Variants in ERC2 observed in about 807,000 individuals in gnomAD.
ERC2 encodes the protein ERC protein 2.
ERC2 carries 42 observed loss-of-function variants against 114.8 expected under a neutral mutation model. The observed-to-expected ratio is 0.37, with a 90% CI of 0.29 to 0.47. The LOEUF (loss-of-function observed/expected upper bound fraction) is 0.47, where lower values mean the gene tolerates loss of function less well. Among genes scored for constraint, ERC2 ranks in the 20% least tolerant of loss-of-function variants. ERC2 has a pLI of 0.99. For missense variants in ERC2, 939 were observed against 1,150.7 expected (o/e 0.82, Z 2.66); for synonymous variants, 454 against 425.5 (o/e 1.07, Z -0.82).
chr3:55,857,668 G>C (rs990622969), intron 14 of ERC2, among the ~76,000 whole-genome samples: 2 of 152,136 alleles, frequency 1.3e-5, no homozygotes, highest in African/African-American at 4.8e-5. Context: ...GTTCAGTAAA[G>C]GGTAAATGAT....
chr3:55,988,304 T>C (rs183845537), intron 11 of ERC2, among the ~76,000 whole-genome samples: 3 of 152,260 alleles, frequency 2.0e-5, no homozygotes, highest in East Asian at 1.9e-4. Context: ...ACCACCCACC[T>C]AGTAGCAAAC....
intron 15 of ERC2, among the ~76,000 whole-genome samples, chr3:55,709,249 C>T (rs541931911): frequency 1.3e-5 from 2 of 151,852 alleles, no homozygotes; most frequent in African/African-American, 4.8e-5. Flanking sequence ...CGAAAGAGGC[C>T]GTGAGAGTCT....
At chr3:56,127,136 A>G (rs182869795) in intron 6 of ERC2, among the ~76,000 whole-genome samples, 5 of 152,336 alleles carry the variant, frequency 3.3e-5, no homozygotes, top group Admixed American at 1.3e-4. Context: ...GATTACCACA[A>G]TGAAAAATAT....
intron 17 of ERC2, among the ~76,000 whole-genome samples, chr3:55,587,112 A>T (rs1172693871): frequency 1.3e-5 from 2 of 152,176 alleles, no homozygotes; most frequent in Non-Finnish European, 2.9e-5. Context: ...TGCATGTATC[A>T]TTATATAACT....
chr3:56,397,751 T>C (rs1020453091), intron 2 of ERC2, among the ~76,000 whole-genome samples: 8 of 151,870 alleles, frequency 5.3e-5, no homozygotes, highest in Non-Finnish European at 5.9e-5. Flanking sequence ...TCTGTGGAAA[T>C]AGATAGTACT....
intron 14 of ERC2, among the ~76,000 whole-genome samples, chr3:55,845,265 G>A (rs2061305508): frequency 6.6e-6 from 1 of 152,136 alleles, no homozygotes; most frequent in African/African-American, 2.4e-5. Flanking sequence ...AGCACTTTGG[G>A]AGGCCGAGGC....
At chr3:56,165,708 T>C (rs2082290416) in intron 4 of ERC2, among the ~76,000 whole-genome samples, 1 of 152,058 alleles carries the variant, frequency 6.6e-6, no homozygotes, top group African/African-American at 2.4e-5. Context: ...GTGTAAGTGA[T>C]ATTGTTTTCT....
At chr3:56,258,151 T>C (rs1018831602) in intron 3 of ERC2, among the ~76,000 whole-genome samples, 4 of 152,188 alleles carry the variant, frequency 2.6e-5, no homozygotes, top group African/African-American at 9.7e-5. Flanking sequence ...CAGCAGATCC[T>C]AGACTCTAGG....
intron 14 of ERC2, among the ~76,000 whole-genome samples, chr3:55,738,750 C>A (rs1265819449): frequency 2.0e-5 from 3 of 152,010 alleles, no homozygotes; most frequent in Non-Finnish European, 4.4e-5. Context: ...CATCATCAAC[C>A]AAAAAACAAT....
intron 14 of ERC2, among the ~76,000 whole-genome samples, chr3:55,852,247 T>C (rs528113958): frequency 1.3e-5 from 2 of 152,228 alleles, no homozygotes; most frequent in South Asian, 2.1e-4. Context: ...AAAAAACTGA[T>C]GTAGTAAAAT....
chr3:55,758,576 T>A (rs1157308838), intron 14 of ERC2, among the ~76,000 whole-genome samples: 1 of 152,212 alleles, frequency 6.6e-6, no homozygotes, highest in Non-Finnish European at 1.5e-5. Flanking sequence ...CTGTCCCCAT[T>A]TGACAACTTT....
chr3:55,725,993 T>A (rs765442050), intron 15 of ERC2, among the ~76,000 whole-genome samples: 16 of 152,254 alleles, frequency 1.1e-4, no homozygotes, highest in South Asian at 8.3e-4. Context: ...ACAGTAACAC[T>A]GAGCAGTTCA....
At chr3:55,713,651 T>A (rs1275950806) in intron 15 of ERC2, among the ~76,000 whole-genome samples, 1 of 152,198 alleles carries the variant, frequency 6.6e-6, no homozygotes, top group East Asian at 1.9e-4. Context: ...CATCCTATTT[T>A]CACCAAAAAG....
At chr3:55,831,265 T>C (rs1006298532) in intron 14 of ERC2, among the ~76,000 whole-genome samples, 1 of 146,638 alleles carries the variant, frequency 6.8e-6, no homozygotes. Context: ...TGAGTTGTGA[T>C]GGTGCCACTG....
At chr3:56,226,236 C>T (rs1397162161) in intron 3 of ERC2, among the ~76,000 whole-genome samples, 1 of 152,114 alleles carries the variant, frequency 6.6e-6, no homozygotes, top group Non-Finnish European at 1.5e-5. Flanking sequence ...TACTTCCAGC[C>T]CACATGCAAG....
At chr3:56,287,165 A>T (rs1159489465) in intron 3 of ERC2, among the ~76,000 whole-genome samples, 1 of 152,220 alleles carries the variant, frequency 6.6e-6, no homozygotes, top group Non-Finnish European at 1.5e-5. Context: ...TGAAATGCAC[A>T]TGTCTTAGGA....
intron 14 of ERC2, among the ~76,000 whole-genome samples, chr3:55,883,539 T>TACACACAC (rs34468467): frequency 6.9e-4 from 99 of 143,970 alleles, no homozygotes; most frequent in Admixed American, 9.7e-4. Context: ...TAATTAAACA[T>TACACACAC]ACACACACAC....
intron 3 of ERC2, among the ~76,000 whole-genome samples, chr3:56,212,384 C>A (rs572811337): frequency 6.6e-6 from 1 of 152,202 alleles, no homozygotes; most frequent in South Asian, 2.1e-4. Context: ...CAGGGAAATG[C>A]AAATCAAAAC....
At chr3:55,598,564 C>T (rs1227410570) in intron 17 of ERC2, among the ~76,000 whole-genome samples, 1 of 152,236 alleles carries the variant, frequency 6.6e-6, no homozygotes. Context: ...GATTCTTTTG[C>T]ACTGCTTTGC....
Sources: gnomAD v4.1 joint callset for allele counts (sites outside exome capture counted in the v4.1 genomes callset) on GRCh38, gnomAD v4.1.1 for gene constraint, MANE v1.5 for transcripts, NCBI Gene and HGNC (gene_info 2026-07-23, HGNC 2026-07-21) for gene names.